The following GFRA2 variants were observed in gnomAD, a reference collection of about 807,000 sequenced individuals.
GFRA2 encodes GDNF family receptor alpha 2.
GFRA2 carries 17 observed loss-of-function variants against 48.3 expected under a neutral mutation model. The observed-to-expected ratio is 0.35, with a 90% confidence interval of 0.24 to 0.53. The LOEUF (loss-of-function observed/expected upper bound fraction) is 0.53, where lower values mean the gene tolerates loss of function less well. Ranked by LOEUF, GFRA2 falls within the 20% of genes least tolerant of loss-of-function variation. The pLI is 0.93. For missense variants in GFRA2, 660 were observed against 637.3 expected, an observed-to-expected ratio of 1.04 and a Z score of -0.38; for synonymous variants, 305 against 257.2, an observed-to-expected ratio of 1.19 and a Z score of -1.78.
At chr8:21,727,001 C>T (rs888340736) in intron 4 of GFRA2, among the ~76,000 whole-genome samples, 2 of 152,158 alleles carry the variant, frequency 1.3e-5, no homozygotes, top group Admixed American at 6.5e-5. Context: ...CCACCTGCCT[C>T]GGCCTCCCAA....
Position 21,700,258 on chromosome 8 carries a change from C to CATGGGCCGGGG in GFRA2, c.1218+2546_1218+2547insCCCCGGCCCAT, listed in dbSNP as rs35875187. On this transcript the variant is annotated intron_variant, in intron 7 of 8. Coordinates refer to ENST00000524240, the MANE Select transcript of GFRA2 (RefSeq NM_001495.5). Reference sequence around the variant, plus strand: ...TCAGACAAGGTATATATTTAATATACCAGAAGGCCCCAGGAGAGACCATTT... The same window carrying CATGGGCCGGGG: ...TCAGACAAGGTATATATTTAATATACATGGGCCGGGGCAGAAGGCCCCAGGAGAGACCATTT... Among the ~76,000 whole-genome samples the CATGGGCCGGGG allele has an allele frequency of 6.6e-5, 3 of 45,496 alleles. No individual in the cohort carries two copies. The East Asian group carries it at 2.5e-3, about 38-fold the overall frequency. The allele number at this position is 45,496 out of a possible 152,430, so 29.8% of individuals were successfully genotyped here. A position where few individuals can be genotyped will look rare whatever the true frequency, so the allele number is the denominator to read the frequency against.
intron 1 of GFRA2, among the ~76,000 whole-genome samples, chr8:21,786,380 T>C (rs1334738445): frequency 6.6e-6 from 1 of 152,180 alleles, no homozygotes; most frequent in Non-Finnish European, 1.5e-5. Context: ...CATGCTGGGG[T>C]ATGCAGCTCA....
At chr8:21,765,856 A>G (rs541817312) in intron 3 of GFRA2, among the ~76,000 whole-genome samples, 1 of 152,216 alleles carries the variant, frequency 6.6e-6, no homozygotes, top group South Asian at 2.1e-4. Flanking sequence ...CGAGTTGTCC[A>G]TAAATTCATC....
chr8:21,728,789 G>A (rs1447564811), intron 4 of GFRA2, among the ~76,000 whole-genome samples: 1 of 152,200 alleles, frequency 6.6e-6, no homozygotes, highest in East Asian at 1.9e-4. Context: ...GAAATTCTAA[G>A]AGTGGGGACC....
intron 4 of GFRA2, among the ~76,000 whole-genome samples, chr8:21,706,768 T>G (rs1379169948): frequency 6.6e-6 from 1 of 152,148 alleles, no homozygotes; most frequent in Non-Finnish European, 1.5e-5. Context: ...TGTGCACAGC[T>G]CTATGTTCCC....
intron 2 of GFRA2, among the ~76,000 whole-genome samples, chr8:21,796,038 C>G (rs1048671375): frequency 3.3e-5 from 5 of 152,224 alleles, no homozygotes; most frequent in Non-Finnish European, 7.3e-5. Context: ...TCGCCTTCCC[C>G]CTTCACAGCT....
chr8:21,733,629 C>T (rs572953710), intron 4 of GFRA2, among the ~76,000 whole-genome samples: 1 of 152,288 alleles, frequency 6.6e-6, no homozygotes, highest in African/African-American at 2.4e-5. Flanking sequence ...CACTGGATAC[C>T]CTGCTCTAGT....
At chr8:21,805,404 A>C (rs1807841167) in intron 1 of GFRA2, among the ~76,000 whole-genome samples, 1 of 152,206 alleles carries the variant, frequency 6.6e-6, no homozygotes, top group Non-Finnish European at 1.5e-5. Context: ...AGCCCTCTGC[A>C]CAGTTCAGGA....
chr8:21,798,716 A>G (rs1159389381), intron 2 of GFRA2, among the ~76,000 whole-genome samples: 4 of 152,106 alleles, frequency 2.6e-5, no homozygotes, highest in African/African-American at 7.2e-5. Context: ...AGTTCTGGGG[A>G]CCACCCTTCG....
At chr8:21,698,580 C>G (rs983882900) in intron 7 of GFRA2, among the ~76,000 whole-genome samples, 19 of 152,192 alleles carry the variant, frequency 1.2e-4, no homozygotes, top group African/African-American at 4.6e-4. Context: ...GGCCCCGCCC[C>G]TAAATCTCAG....
intron 3 of GFRA2, among the ~76,000 whole-genome samples, chr8:21,762,901 C>G (rs1010945135): frequency 3.3e-5 from 5 of 152,020 alleles, no homozygotes; most frequent in African/African-American, 1.2e-4. Context: ...GTATTTGTAA[C>G]CATTAAAAAC....
intron 3 of GFRA2, among the ~76,000 whole-genome samples, chr8:21,764,372 G>A (rs1806054741): frequency 6.6e-6 from 1 of 152,162 alleles, no homozygotes; most frequent in African/African-American, 2.4e-5. Flanking sequence ...CCACTCTCAT[G>A]TCCTAATCAC....
chr8:21,707,191 A>G (rs1423804529), intron 4 of GFRA2, among the ~76,000 whole-genome samples: 1 of 152,210 alleles, frequency 6.6e-6, no homozygotes, highest in African/African-American at 2.4e-5. Flanking sequence ...TGGTGACTCG[A>G]CAAGCTAGCT....
At chr8:21,803,572 C>G (rs1807808198) in intron 2 of GFRA2, among the ~76,000 whole-genome samples, 1 of 152,142 alleles carries the variant, frequency 6.6e-6, no homozygotes. Context: ...TGAGGAACAA[C>G]AAGACTCAAG....
At chr8:21,719,829 G>T (rs138144802) in intron 4 of GFRA2, among the ~76,000 whole-genome samples, 116 of 152,258 alleles carry the variant, frequency 7.6e-4, no homozygotes, top group African/African-American at 2.8e-3. Flanking sequence ...CCTTGAGAAG[G>T]GGGTGGCAGG....
In GFRA2 at chr8:21,776,562, C is replaced by T. The variant is rs372840137; in HGVS notation, c.356-1507G>A. On this transcript the variant is annotated intron_variant, in intron 2 of 8. Transcript: ENST00000524240. ...GGCTCACTGCTGCAACCTCTATCTC[C>T]TGGGTTCAAGCGATCCTCCCACCTC... is the stretch of plus-strand genomic sequence containing the variant. Among the ~76,000 whole-genome samples the T allele has an allele frequency of 7.6e-4, 115 of 151,676 alleles. 1 individual carries two copies. The East Asian group carries it at 0.019, about 25-fold the overall frequency.
At chr8:21,737,674 C>T (rs1490015328) in intron 4 of GFRA2, among the ~76,000 whole-genome samples, 1 of 152,086 alleles carries the variant, frequency 6.6e-6, no homozygotes, top group Non-Finnish European at 1.5e-5. Flanking sequence ...CTCCTGTCCT[C>T]TTCTCCCAGA....
intron 1 of GFRA2, among the ~76,000 whole-genome samples, chr8:21,806,741 A>C (rs902445821): frequency 6.6e-6 from 1 of 152,232 alleles, no homozygotes; most frequent in African/African-American, 2.4e-5. Flanking sequence ...CACTGGGATT[A>C]CAGGTACAAG....
chr8:21,800,349 A>G (rs1281863155), intron 2 of GFRA2, among the ~76,000 whole-genome samples: 1 of 152,238 alleles, frequency 6.6e-6, no homozygotes, highest in Admixed American at 6.5e-5. Context: ...CACCACGAAA[A>G]AGGAATTTGA....
Sources: gnomAD v4.1 joint callset for allele counts (sites outside exome capture counted in the v4.1 genomes callset) on GRCh38, gnomAD v4.1.1 for gene constraint, MANE v1.5 for transcripts, NCBI Gene and HGNC (gene_info 2026-07-23, HGNC 2026-07-21) for gene names.